PODXL: variants seen among roughly 807,000 people sequenced by gnomAD.
The protein encoded by PODXL is podocalyxin.
Under a neutral mutation model 48.9 loss-of-function variants are expected in PODXL, and 20 were observed. The observed-to-expected ratio is 0.41, with a 90% confidence interval of 0.29 to 0.59. PODXL has a LOEUF of 0.59. Among genes scored for constraint, PODXL ranks in the 20% least tolerant of loss-of-function variants. The pLI, the probability that PODXL is intolerant of heterozygous loss-of-function variation, is 0.31. For synonymous variants in PODXL, 295 were observed against 287.4 expected (o/e 1.03, Z -0.27); for missense variants, 606 against 675.1 (o/e 0.90, Z 1.13).
chr7:131,533,654 G>A (rs1798319044), intron 1 of PODXL, among the ~76,000 whole-genome samples: 1 of 152,146 alleles, frequency 6.6e-6, no homozygotes, highest in African/African-American at 2.4e-5. Context: ...GGGCTGACAA[G>A]TCCTCATTCT....
At chr7:131,545,032 A>T (rs1218405146) in intron 1 of PODXL, among the ~76,000 whole-genome samples, 2 of 152,180 alleles carry the variant, frequency 1.3e-5, no homozygotes, top group Non-Finnish European at 2.9e-5. Flanking sequence ...CAGCACCGTG[A>T]TGCTGTCAGG....
chr7:131,530,531 G>A (rs1180687507), intron 1 of PODXL, among the ~76,000 whole-genome samples: 1 of 151,980 alleles, frequency 6.6e-6, no homozygotes, highest in Non-Finnish European at 1.5e-5. Context: ...AATCACTTGA[G>A]CCCAGGAGTT....
chr7:131,534,120 G>C (rs1166528790), intron 1 of PODXL, among the ~76,000 whole-genome samples: 1 of 151,944 alleles, frequency 6.6e-6, no homozygotes, highest in African/African-American at 2.4e-5. Context: ...ACTCCCTCTC[G>C]AGCCACTCAC....
At chr7:131,513,855 C>T (rs1006490045) in intron 1 of PODXL, among the ~76,000 whole-genome samples, 1 of 152,238 alleles carries the variant, frequency 6.6e-6, no homozygotes, top group Admixed American at 6.5e-5. Flanking sequence ...CTTTTACACA[C>T]ACATTTTGCT....
At position 131,505,738 on chromosome 7, in the gene PODXL, G is replaced by A. The variant is rs964746221; in HGVS notation, c.1479+130C>T. ...GGACTGAGGCGGCTGCCTATCAGGGGTGGCCTCTGCCTGTTAGAAAGGGTC... is the reference window on the plus strand; with the variant it reads ...GGACTGAGGCGGCTGCCTATCAGGGATGGCCTCTGCCTGTTAGAAAGGGTC... On this transcript the variant is annotated intron_variant, in intron 8 of 8. Coordinates refer to ENST00000378555, the MANE Select transcript of PODXL (RefSeq NM_001018111.3). The A allele has an allele frequency of 7.3e-5, 59 of 809,018 alleles. No individual in the cohort carries two copies. The African/African-American group carries it at 8.6e-4, about 12-fold the overall frequency. 50.1% of individuals were successfully genotyped at this position (809,018 alleles called of 1,614,324 possible).
intron 1 of PODXL, among the ~76,000 whole-genome samples, chr7:131,530,278 AG>A (rs1245502098): frequency 6.6e-6 from 1 of 152,056 alleles, no homozygotes; most frequent in Non-Finnish European, 1.5e-5. Context: ...GAGCCGGATC[AG>A]TAAGGGACCT....
At position 131,509,156 on chromosome 7, in the gene PODXL, C is replaced by T. The variant is rs1797864993; in HGVS notation, c.1024-128G>A. On this transcript the variant is annotated intron_variant, in intron 4 of 8. Coordinates refer to ENST00000378555, the MANE Select transcript of PODXL (RefSeq NM_001018111.3). Reference sequence around the variant, plus strand: ...AGCTGGAGGCATGGCTGGACCCATTCCAGAGCCAGGTATGTCCTGGCTGCG... The same window carrying T: ...AGCTGGAGGCATGGCTGGACCCATTTCAGAGCCAGGTATGTCCTGGCTGCG... The T allele has an allele frequency of 3.4e-5, 32 of 930,198 alleles. 1 individual carries two copies. The South Asian group carries it at 3.7e-4, about 11-fold the overall frequency. 57.6% of individuals were successfully genotyped at this position (930,198 alleles called of 1,614,324 possible).
intron 1 of PODXL, among the ~76,000 whole-genome samples, chr7:131,536,574 A>G (rs1798377300): frequency 6.6e-6 from 1 of 152,230 alleles, no homozygotes; most frequent in African/African-American, 2.4e-5. Context: ...GGCCAGTCCA[A>G]CACAGCAGGT....
At chr7:131,512,413 G>A (rs1238330057) in intron 1 of PODXL, among the ~76,000 whole-genome samples, 1 of 152,154 alleles carries the variant, frequency 6.6e-6, no homozygotes, top group African/African-American at 2.4e-5. Context: ...TCGAATGAGG[G>A]AAAGAAAGGC....
rs1371561542 is a variant in PODXL at position 131,506,677 on chromosome 7, A to G, written c.1151T>C (p.Val384Ala). ...TTGGGCCGGGTTGAAGGTGGCTTTG[A>G]CTGCTCGGCATATCAGTGAGATCAA... Reference protein sequence around the residue: ...EKLISLICRAVKATFNPAQDK... With the variant: ...EKLISLICRAAKATFNPAQDK... The change falls in exon 6 of 9, where the codon GTC (valine) becomes GCC (alanine). Residue 384 changes from valine to alanine, a missense_variant. Physicochemically the swap from Val to Ala is moderately conservative, Grantham distance 64. Coordinates refer to ENST00000378555, the MANE Select transcript of PODXL (RefSeq NM_001018111.3). 12 of 1,614,014 alleles carry G rather than the reference A, an allele frequency of 7.4e-6. No homozygotes were observed. Among genetic ancestry groups the G allele is most frequent in the Non-Finnish European group, 9.3e-6 (11 of 1,180,022 alleles).
chr7:131,556,434 C>T lies in PODXL; in HGVS notation c.-75G>A. ...GATCCGCGCGTCCGGGCGGTAGGAG[C>T]GTGGGCGCCGCCCGGGGAGGCCTGT... On this transcript the variant is annotated 5_prime_UTR_variant, in exon 1 of 9. Coordinates refer to ENST00000378555, the MANE Select transcript of PODXL (RefSeq NM_001018111.3). The T allele has an allele frequency of 7.7e-7, 1 of 1,299,158 alleles. No individual in the cohort carries two copies. Among genetic ancestry groups the T allele is most frequent in the Non-Finnish European group, 9.8e-7 (1 of 1,024,698 alleles). 80.5% of individuals were successfully genotyped at this position (1,299,158 alleles called of 1,614,324 possible).
At chr7:131,522,553 T>C (rs887011565) in intron 1 of PODXL, among the ~76,000 whole-genome samples, 3 of 152,150 alleles carry the variant, frequency 2.0e-5, no homozygotes, top group African/African-American at 7.2e-5. Context: ...GAGATATTAC[T>C]GGAGGACTTT....
At chr7:131,521,885 G>C (rs922376999) in intron 1 of PODXL, among the ~76,000 whole-genome samples, 8 of 152,244 alleles carry the variant, frequency 5.3e-5, no homozygotes, top group Non-Finnish European at 8.8e-5. Context: ...AAGCCTTTCA[G>C]GTGGAGGTCA....
intron 1 of PODXL, among the ~76,000 whole-genome samples, chr7:131,541,222 AT>A: frequency 6.6e-6 from 1 of 152,176 alleles, no homozygotes; most frequent in African/African-American, 2.4e-5. Flanking sequence ...ACTATCACCT[AT>A]CTCTCTCCTT....
At chr7:131,525,386 C>T (rs1334951473) in intron 1 of PODXL, among the ~76,000 whole-genome samples, 13 of 128,046 alleles carry the variant, frequency 1.0e-4, no homozygotes, top group African/African-American at 2.7e-4. Flanking sequence ...GTCAGGAGTT[C>T]GAGACCAGCC....
rs756876720 is a variant in PODXL, at chr7:131,511,007, T to C, written c.527A>G (p.Glu176Gly). 6.2e-7 allele frequency: 1 copy of C among 1,614,124 alleles called. No individual in the cohort carries two copies. Among genetic ancestry groups the C allele is most frequent in the South Asian group, 1.1e-5 (1 of 91,080 alleles). The change falls in exon 2 of 9, where the codon GAA (glutamate) becomes GGA (glycine). Residue 176 changes from glutamate to glycine, a missense_variant. By Grantham distance (98) the Glu-to-Gly change is moderately conservative (BLOSUM62 -2). Coordinates refer to ENST00000378555, the MANE Select transcript of PODXL (RefSeq NM_001018111.3). Reference sequence around the variant, plus strand: ...TGTAGGGTGAGGGGTCGTCAGATGTTCTGCCTTAGTGGATGTGAGGTCTGT... The same window carrying C: ...TGTAGGGTGAGGGGTCGTCAGATGTCCTGCCTTAGTGGATGTGAGGTCTGT... ...VTTDLTSTKA[E>G]HLTTPHPTSP...
In PODXL at chr7:131,528,052, C is replaced by T. The variant is rs183024507; in HGVS notation, c.101-16619G>A. On this transcript the variant is annotated intron_variant, in intron 1 of 8. Transcript: ENST00000378555. Reference sequence around the variant, plus strand: ...CCAAGTAGCTGGGATTACAGGCGCCCATCACCTGGCTAATTTTTGTATTTT... The same window carrying T: ...CCAAGTAGCTGGGATTACAGGCGCCTATCACCTGGCTAATTTTTGTATTTT... Among the ~76,000 whole-genome samples, 1,306 of 151,852 alleles carry T rather than the reference C, an allele frequency of 8.6e-3. 25 individuals carry two copies. The highest frequency in any genetic ancestry group is 0.028 in the African/African-American group (1,140 of 41,398).
intron 1 of PODXL, among the ~76,000 whole-genome samples, chr7:131,547,374 C>CAAAAA (rs10683140): frequency 0.061 from 4,205 of 68,850 alleles, 406 homozygotes; most frequent in South Asian, 0.099. Context: ...AACTCCGTCT[C>CAAAAA]AAAAAAAAAA....
At chr7:131,514,683 C>G (rs1419478954) in intron 1 of PODXL, among the ~76,000 whole-genome samples, 2 of 152,108 alleles carry the variant, frequency 1.3e-5, no homozygotes, top group Non-Finnish European at 2.9e-5. Context: ...TCAGGACTCA[C>G]TACAGCCTTG....
Sources: gnomAD v4.1 joint callset for allele counts (sites outside exome capture counted in the v4.1 genomes callset) on GRCh38, gnomAD v4.1.1 for gene constraint, MANE v1.5 for transcripts, NCBI Gene and HGNC (gene_info 2026-07-23, HGNC 2026-07-21) for gene names.